Variants in UIMC1 observed in about 807,000 individuals in gnomAD.
UIMC1 encodes BRCA1-A complex subunit RAP80.
UIMC1 carries 42 observed loss-of-function variants against 84.9 expected under a neutral mutation model. That is an observed-to-expected ratio of 0.49 (90% CI 0.39 to 0.64). The LOEUF (loss-of-function observed/expected upper bound fraction) is 0.64, where lower values mean the gene tolerates loss of function less well. Ranked by LOEUF, UIMC1 falls within the 30% of genes least tolerant of loss-of-function variation. The probability of loss-of-function intolerance (pLI) is 0.00; values close to 1 mark genes in which losing one functional copy is unlikely to be tolerated. For synonymous variants in UIMC1, 281 were observed against 293.0 expected, an observed-to-expected ratio of 0.96 and a Z score of 0.42; for missense variants, 825 against 847.6, an observed-to-expected ratio of 0.97 and a Z score of 0.33.
At chr5:176,969,789 G>A (rs1768921127) in intron 4 of UIMC1, 83 bp from the exon 5 acceptor site, 1 of 1,138,334 alleles carries the variant, frequency 8.8e-7, no homozygotes, top group Admixed American at 2.2e-5. Context: ...CAAAATGGGA[G>A]GCCACCGTTC....
intron 10 of UIMC1, among the ~76,000 whole-genome samples, chr5:176,917,674 A>T (rs1761183262): frequency 6.6e-6 from 1 of 151,948 alleles, no homozygotes; most frequent in Non-Finnish European, 1.5e-5. Context: ...ATAATTTAAA[A>T]TTGGGCAAGG....
At chr5:176,936,849 G>T (rs1307202623) in intron 10 of UIMC1, among the ~76,000 whole-genome samples, 1 of 152,058 alleles carries the variant, frequency 6.6e-6, no homozygotes, top group Non-Finnish European at 1.5e-5. Context: ...TGAGACCTCG[G>T]TATTCCCTAT....
At chr5:176,906,989 AGGCT>A in intron 13 of UIMC1, 121 bp downstream of exon 13, 1 of 915,292 alleles carries the variant, frequency 1.1e-6, no homozygotes, top group Non-Finnish European at 1.7e-6. Flanking sequence ...TGAGTCTCAA[AGGCT>A]GGCTGACTGG....
chr5:176,976,214 C>T (rs963812760), intron 2 of UIMC1, among the ~76,000 whole-genome samples: 1 of 152,014 alleles, frequency 6.6e-6, no homozygotes, highest in African/African-American at 2.4e-5. Flanking sequence ...ACTCAGGAGG[C>T]TGGAGCAGAT....
At chr5:176,910,096 CA>C (rs1199898564) in intron 11 of UIMC1, among the ~76,000 whole-genome samples, 2 of 152,176 alleles carry the variant, frequency 1.3e-5, no homozygotes, top group Non-Finnish European at 2.9e-5. Context: ...GTATCTCTCT[CA>C]AAAAACTCAG....
In UIMC1 at chr5:176,910,434, G is replaced by C. The variant is rs117680674; in HGVS notation, c.1676+877C>G. Among the ~76,000 whole-genome samples, 53 of 152,322 alleles carry C rather than the reference G, an allele frequency of 3.5e-4. 1 individual carries two copies. The East Asian group carries it at 0.01, about 29-fold the overall frequency. On this transcript the variant is annotated intron_variant, in intron 11 of 14. Coordinates refer to ENST00000511320, the MANE Select transcript of UIMC1 (RefSeq NM_001199298.2). ...AAAACCAAGGGGATCTTATGAGTCA[G>C]GCAAATCTAGTTTCTGACAATTATT...
chr5:176,911,171 A>T (rs1760149463), intron 11 of UIMC1, 140 bp downstream of exon 11: 2 of 197,998 alleles, frequency 1.0e-5, no homozygotes, highest in Non-Finnish European at 1.8e-5. Context: ...AAAAGAAAAG[A>T]AAAGAAAATT....
intron 1 of UIMC1, among the ~76,000 whole-genome samples, chr5:177,016,815 G>C (rs1057312586): frequency 1.3e-5 from 2 of 151,438 alleles, no homozygotes; most frequent in African/African-American, 4.9e-5. Flanking sequence ...CTGAGGTCAG[G>C]AGTTCAAGAC....
At chr5:176,968,442 C>T in intron 6 of UIMC1, 113 bp downstream of exon 6, 8 of 1,388,710 alleles carry the variant, frequency 5.8e-6, no homozygotes, top group Non-Finnish European at 6.8e-6. Flanking sequence ...CTATAGTGAA[C>T]ATGTATTACT....
chr5:176,995,937 C>T (rs1773553272), intron 1 of UIMC1, among the ~76,000 whole-genome samples: 1 of 150,812 alleles, frequency 6.6e-6, no homozygotes, highest in South Asian at 2.1e-4. Flanking sequence ...GTATCTACTA[C>T]ATTACCCAGC....
intron 6 of UIMC1, among the ~76,000 whole-genome samples, chr5:176,960,550 TAAGG>T (rs1002329850): frequency 1.3e-5 from 2 of 151,410 alleles, no homozygotes; most frequent in African/African-American, 2.4e-5. Flanking sequence ...AATATGTTAA[TAAGG>T]AAGGGATGGT....
intron 10 of UIMC1, among the ~76,000 whole-genome samples, chr5:176,915,793 CAAA>C (rs58297107): frequency 1.1e-3 from 45 of 42,638 alleles, no homozygotes; most frequent in African/African-American, 3.7e-3. Flanking sequence ...GGTCACAAAG[CAAA>C]AAAAAAAAAA....
chr5:176,906,290 G>C, intron 13 of UIMC1: 1 of 455,104 alleles, frequency 2.2e-6, no homozygotes, highest in Admixed American at 3.9e-5. Flanking sequence ...TTCAATTCTG[G>C]ACTTGAGGAA....
chr5:176,906,050 G>A lies in UIMC1; in HGVS notation c.1913-3C>T. On this transcript the variant is annotated splice_region_variant and splice_polypyrimidine_tract_variant and intron_variant, in intron 13 of 14. Coordinates refer to ENST00000511320, the MANE Select transcript of UIMC1 (RefSeq NM_001199298.2). ...TTCTGAAGACTTGATGTCTGCATCT[G>A]TGATATAAAAGAAAAAATAATAATG... is the stretch of plus-strand genomic sequence containing the variant. The A allele has an allele frequency of 6.2e-7, 1 of 1,613,640 alleles. No homozygotes were observed. The highest frequency in any genetic ancestry group is 8.5e-7 in the Non-Finnish European group (1 of 1,179,786).
intron 4 of UIMC1, 101 bp downstream of exon 4, chr5:176,970,641 T>C: frequency 6.3e-7 from 1 of 1,582,492 alleles, no homozygotes; most frequent in Non-Finnish European, 8.6e-7. Flanking sequence ...GTGAAAACCC[T>C]ATAAATGACT....
intron 1 of UIMC1, among the ~76,000 whole-genome samples, chr5:176,997,211 T>C (rs1773733362): frequency 6.6e-6 from 1 of 152,100 alleles, no homozygotes; most frequent in Non-Finnish European, 1.5e-5. Context: ...ATACCTCTCT[T>C]TAAGCTCTCC....
intron 8 of UIMC1, among the ~76,000 whole-genome samples, chr5:176,954,747 CAAA>C (rs79682515): frequency 7.8e-5 from 5 of 64,000 alleles, no homozygotes; most frequent in Admixed American, 1.8e-4. Flanking sequence ...AACTCTGTCT[CAAA>C]AAAAAAAAAA....
intron 10 of UIMC1, among the ~76,000 whole-genome samples, chr5:176,936,543 C>G (rs1179878011): frequency 6.6e-6 from 1 of 152,146 alleles, no homozygotes; most frequent in African/African-American, 2.4e-5. Context: ...TCCTCCCTTG[C>G]TCAAGGAAAA....
intron 11 of UIMC1, among the ~76,000 whole-genome samples, chr5:176,909,998 A>G (rs937444242): frequency 1.3e-5 from 2 of 152,232 alleles, no homozygotes; most frequent in African/African-American, 4.8e-5. Flanking sequence ...TGACTGGCAC[A>G]TAATATTAGG....
Sources: allele counts gnomAD v4.1 joint callset (sites outside exome capture counted in the v4.1 genomes callset), GRCh38; gene constraint gnomAD v4.1.1; transcripts MANE v1.5; gene names NCBI Gene and HGNC (gene_info 2026-07-23, HGNC 2026-07-21).